The following CIMAP2 variants were observed in gnomAD, a reference collection of about 807,000 sequenced individuals.
CIMAP2 encodes ciliary microtubule associated protein 2, also known as ciliary microtubule-associated protein 2.
At chr1:54,828,479 G>C in the CIMAP2 span, among the ~76,000 whole-genome samples, 1 of 152,056 alleles carries the variant, frequency 6.6e-6, no homozygotes, top group African/African-American at 2.4e-5. Context: ...CTACAGGCAT[G>C]TGCCACCACA....
the CIMAP2 span, chr1:54,811,765 G>GCCGGGGGGGGCGCCCC: frequency 7.7e-7 from 1 of 1,301,332 alleles, no homozygotes; most frequent in East Asian, 2.5e-5. Flanking sequence ...GGTTCTGACA[G>GCCGGGGGGGGCGCCCC]CCTCCATGCC....
chr1:54,821,096 T>G, the CIMAP2 span, among the ~76,000 whole-genome samples: 1 of 152,162 alleles, frequency 6.6e-6, no homozygotes, highest in South Asian at 2.1e-4. Context: ...GGATTATTAT[T>G]ATTGCTGTTG....
At chr1:54,837,477 G>A in the CIMAP2 span, among the ~76,000 whole-genome samples, 2 of 152,154 alleles carry the variant, frequency 1.3e-5, no homozygotes, top group African/African-American at 2.4e-5. Flanking sequence ...ACAGGCCAGG[G>A]TCTAGTGTAA....
At chr1:54,807,729 C>T in the CIMAP2 span, 10 of 1,544,268 alleles carry the variant, frequency 6.5e-6, no homozygotes, top group African/African-American at 1.4e-4. Context: ...TCTCTGGTGC[C>T]AGGTCTTCCT....
At chr1:54,811,765 G>GCCGGGGGGGCCCCCCCCCCC in the CIMAP2 span, 3 of 1,301,328 alleles carry the variant, frequency 2.3e-6, no homozygotes, top group Non-Finnish European at 2.2e-6. Context: ...GGTTCTGACA[G>GCCGGGGGGGCCCCCCCCCCC]CCTCCATGCC....
the CIMAP2 span, chr1:54,807,188 CTACCTTCTTCCAGCA>C: frequency 1.6e-6 from 2 of 1,255,772 alleles, no homozygotes; most frequent in Non-Finnish European, 2.3e-6. Flanking sequence ...GGCGTACTTT[CTACCTTCTTCCAGCA>C]CAGAGCTGGA....
chr1:54,820,763 C>A, the CIMAP2 span, among the ~76,000 whole-genome samples: 1 of 151,326 alleles, frequency 6.6e-6, no homozygotes, highest in Non-Finnish European at 1.5e-5. Context: ...ATGTCCTTTG[C>A]CCACTTTTTT....
At chr1:54,821,816 T>A in the CIMAP2 span, among the ~76,000 whole-genome samples, 29,480 of 151,246 alleles carry the variant, frequency 0.19, 3,698 homozygotes, top group African/African-American at 0.35. Context: ...TTTATCTATA[T>A]AAGATCATGT....
chr1:54,825,209 C>T, the CIMAP2 span, among the ~76,000 whole-genome samples: 18 of 151,700 alleles, frequency 1.2e-4, no homozygotes, highest in East Asian at 1.9e-3. Context: ...TGACACCACG[C>T]CCAGCTAATT....
At chr1:54,815,176 A>G in the CIMAP2 span, 1 of 1,296,880 alleles carries the variant, frequency 7.7e-7, no homozygotes, top group Non-Finnish European at 1.1e-6. Flanking sequence ...AAGGGACCTG[A>G]GGTCCACTCC....
chr1:54,807,078 C>G, the CIMAP2 span: 3 of 1,613,042 alleles, frequency 1.9e-6, no homozygotes, highest in East Asian at 4.5e-5. Flanking sequence ...TTATTCTACC[C>G]AAGTGGTGAG....
At chr1:54,833,881 A>C in the CIMAP2 span, among the ~76,000 whole-genome samples, 3 of 151,510 alleles carry the variant, frequency 2.0e-5, no homozygotes, top group Non-Finnish European at 2.9e-5. Flanking sequence ...GGAGTCACGC[A>C]CTTGTTGCCC....
chr1:54,811,490 AG>A, the CIMAP2 span, among the ~76,000 whole-genome samples: 28 of 152,272 alleles, frequency 1.8e-4, no homozygotes, highest in Non-Finnish European at 1.3e-4. Flanking sequence ...CATGTGCTTG[AG>A]GAGCAGCAAG....
At chr1:54,813,988 C>G in the CIMAP2 span, 1 of 1,574,798 alleles carries the variant, frequency 6.4e-7, no homozygotes, top group African/African-American at 1.4e-5. Flanking sequence ...GAGTTCACTC[C>G]TATGGCCGGC....
chr1:54,825,879 G>A, the CIMAP2 span, among the ~76,000 whole-genome samples: 5 of 151,958 alleles, frequency 3.3e-5, no homozygotes, highest in Non-Finnish European at 5.9e-5. Flanking sequence ...CCTGGGTGGT[G>A]TGTGAGTGGG....
chr1:54,841,655 T>C, the CIMAP2 span: 1 of 1,613,332 alleles, frequency 6.2e-7, no homozygotes. Context: ...AAGTCATCAA[T>C]TTTGGCCTCT....
At chr1:54,814,814 G>A in the CIMAP2 span, 1 of 1,532,606 alleles carries the variant, frequency 6.5e-7, no homozygotes, top group South Asian at 1.2e-5. Flanking sequence ...CAGGGCTGCT[G>A]GATGGGTGGA....
chr1:54,812,526 G>T, the CIMAP2 span, among the ~76,000 whole-genome samples: 1 of 152,254 alleles, frequency 6.6e-6, no homozygotes. Flanking sequence ...GAGGAACCTT[G>T]ATGGCAGAAG....
chr1:54,817,112 A>T, the CIMAP2 span: 2 of 1,613,920 alleles, frequency 1.2e-6, no homozygotes, highest in Non-Finnish European at 1.7e-6. Flanking sequence ...GGCCCGGGAC[A>T]TGCTCATGCA....
Sources: gnomAD v4.1 joint callset for allele counts (sites outside exome capture counted in the v4.1 genomes callset) on GRCh38, gnomAD v4.1.1 for gene constraint, MANE v1.5 for transcripts, NCBI Gene and HGNC (gene_info 2026-07-23, HGNC 2026-07-21) for gene names.